The following SOX13 variants were observed in gnomAD, a reference collection of about 807,000 sequenced individuals.
SOX13 encodes the protein SRY-box transcription factor 13, also known as transcription factor SOX-13.
SOX13 carries 28 observed loss-of-function variants against 71.8 expected under a neutral mutation model. The observed-to-expected ratio is 0.39, with a 90% CI of 0.29 to 0.53. SOX13 has a LOEUF of 0.53. SOX13 is among the 20% of genes least tolerant of loss of function. The pLI is 0.70. For missense variants in SOX13, 627 were observed against 810.3 expected (o/e 0.77, Z 2.75); for synonymous variants, 309 against 317.8 (o/e 0.97, Z 0.29).
At chr1:204,103,588 T>C (rs1419544070) in intron 1 of SOX13, among the ~76,000 whole-genome samples, 1 of 152,262 alleles carries the variant, frequency 6.6e-6, no homozygotes, top group Non-Finnish European at 1.5e-5. Context: ...CCCATTCCTT[T>C]GGTCAGTATT....
In SOX13 at chr1:204,113,308, C is replaced by T. The variant is rs531995311; in HGVS notation, c.219+174C>T. ...AGGCACTGCCAAGTTCAGTCTGAGG[C>T]TGGAAGCGGGGTCACCTATCAGAGC... On this transcript the variant is annotated intron_variant, in intron 2 of 13. Transcript: ENST00000367204. Among the ~76,000 whole-genome samples, 17 of 152,364 alleles carry T rather than the reference C, an allele frequency of 1.1e-4. No homozygotes were observed. In the East Asian group the frequency reaches 3.3e-3, roughly 29 times the overall value.
At position 204,122,366 on chromosome 1, in the gene SOX13, G is replaced by A. The variant is rs1656827365; in HGVS notation, c.991G>A (p.Asp331Asn). Residue 331 changes from aspartate (D) to asparagine (N), a missense_variant, in exon 9 of 14, where the codon GAC becomes AAC. Around this residue, in one of 3 missense-constraint regions of SOX13, gnomAD observed 447 missense variants for 532.2 expected, o/e 0.84. Transcript: ENST00000367204. ...CCCCAGCCATGGAGGCCCCACGCGG[G>A]ACCTGCAGTCCAGCCCCCCGAGCCT... ...RPPSHGGPTR[D>N]LQSSPPSLPL... 1 of 1,563,706 alleles carries A rather than the reference G, an allele frequency of 6.4e-7. No individual in the cohort carries two copies. Among genetic ancestry groups the A allele is most frequent in the South Asian group, 1.2e-5 (1 of 84,984 alleles).
At chr1:204,097,027 A>G (rs1278631558) in intron 1 of SOX13, among the ~76,000 whole-genome samples, 2 of 152,136 alleles carry the variant, frequency 1.3e-5, no homozygotes. Context: ...TTCTAGCCCC[A>G]TCCTGGCTTC....
At chr1:204,084,329 T>TG (rs1004906377) in intron 1 of SOX13, among the ~76,000 whole-genome samples, 5 of 152,112 alleles carry the variant, frequency 3.3e-5, no homozygotes, top group Admixed American at 3.3e-4. Context: ...CAGGCAGCTG[T>TG]GGGGGGTGCA....
intron 1 of SOX13, among the ~76,000 whole-genome samples, chr1:204,077,836 G>A (rs187791047): frequency 6.6e-6 from 1 of 152,142 alleles, no homozygotes; most frequent in East Asian, 1.9e-4. Flanking sequence ...TTTTGAGATA[G>A]ACTCTTACTC....
intron 1 of SOX13, among the ~76,000 whole-genome samples, chr1:204,106,857 C>CT (rs1473996411): frequency 6.6e-6 from 1 of 152,178 alleles, no homozygotes. Flanking sequence ...GTGATAAATA[C>CT]TTTTAAGGTC....
At chr1:204,111,863 G>A (rs1211316487) in intron 1 of SOX13, among the ~76,000 whole-genome samples, 1 of 152,126 alleles carries the variant, frequency 6.6e-6, no homozygotes, top group African/African-American at 2.4e-5. Context: ...CCGTGTGATA[G>A]ATGCATGAAG....
Position 204,113,067 on chromosome 1 carries a change from C to T in SOX13, c.152C>T (p.Pro51Leu), listed in dbSNP as rs1199255567. 2 of 1,604,380 alleles carry T rather than the reference C, an allele frequency of 1.2e-6. No individual in the cohort carries two copies. Among genetic ancestry groups the T allele is most frequent in the Non-Finnish European group, 8.5e-7 (1 of 1,176,032 alleles). ...GCCGCTGAACCTCAGCCTGGAGACC[C>T]AGCCCGGGCCTCCCAGGATAGTGCT... ...ATAAEPQPGD[P>L]ARASQDSADP... The change falls in exon 2 of 14, where the codon CCA becomes CTA. Residue 51 changes from proline (P) to leucine (L), a missense_variant. Transcript: ENST00000367204.
chr1:204,073,906 C>T lies in SOX13; in HGVS notation c.-2+195C>T, dbSNP rs1655725336. The T allele has an allele frequency of 6.5e-6, 1 of 152,910 alleles. No individual in the cohort carries two copies. Among genetic ancestry groups the T allele is most frequent in the Non-Finnish European group, 1.5e-5 (1 of 68,664 alleles). 9.5% of individuals were successfully genotyped at this position (152,910 alleles called of 1,614,324 possible). On this transcript the variant is annotated intron_variant, in intron 1 of 13. Transcript: ENST00000367204. The surrounding 1 kb of genome is among the most constrained non-coding windows in gnomAD (Gnocchi z 6.8). ...ACAACGCTGGGCAGTGGCGGCTCCT[C>T]CCTGGCCGACTTGGGTCCTTGTGGA...
chr1:204,101,448 C>T (rs1019520502), intron 1 of SOX13, among the ~76,000 whole-genome samples: 6 of 150,820 alleles, frequency 4.0e-5, no homozygotes, highest in Non-Finnish European at 5.9e-5. Flanking sequence ...AGGAGGATCA[C>T]GTGAGCCCAG....
chr1:204,096,535 G>A (rs141955654), intron 1 of SOX13, among the ~76,000 whole-genome samples: 329 of 152,044 alleles, frequency 2.2e-3, no homozygotes, highest in Non-Finnish European at 2.5e-3. Context: ...TCATGCATCA[G>A]TCTCCCAAGT....
rs193074097 is a variant in SOX13, at chr1:204,111,903, C to T, written c.-1-1012C>T. 1.9e-4 allele frequency among the ~76,000 whole-genome samples: 29 copies of T among 152,226 alleles called. 2 individuals are homozygous for T. The East Asian group carries it at 4.8e-3, about 25-fold the overall frequency. ...AAATCATTTACTTTTACCTTATCTC[C>T]ACTGTAAGAAGAAGACTATATGTCT... On this transcript the variant is annotated intron_variant, in intron 1 of 13. Coordinates refer to ENST00000367204, the MANE Select transcript of SOX13 (RefSeq NM_005686.3).
At chr1:204,114,228 C>A in intron 2 of SOX13, 93 bp from the exon 3 acceptor site, 1 of 751,584 alleles carries the variant, frequency 1.3e-6, no homozygotes, top group East Asian at 2.7e-5. Context: ...GGGCTGGGAT[C>A]CCTCAGGGTA....
At chr1:204,116,071 C>T in intron 4 of SOX13, 33 of 891,404 alleles carry the variant, frequency 3.7e-5, no homozygotes, top group Non-Finnish European at 4.8e-5. Flanking sequence ...TGGTAACTTG[C>T]CTAACAGCTC....
intron 5 of SOX13, 24 bp downstream of exon 5, chr1:204,116,703 G>A (rs370186803): frequency 6.2e-7 from 1 of 1,610,294 alleles, no homozygotes; most frequent in Non-Finnish European, 8.5e-7. Flanking sequence ...GGTGGGTGTA[G>A]CTTTCTTTCC....
chr1:204,126,116 G>T lies in SOX13; in HGVS notation c.1851G>T (p.Leu617Phe). 6.2e-7 allele frequency: 1 copy of T among 1,613,892 alleles called. No individual in the cohort carries two copies. The highest frequency in any genetic ancestry group is 8.5e-7 in the Non-Finnish European group (1 of 1,179,814). The change falls in exon 14 of 14, where the codon TTG becomes TTT. Residue 617 changes from leucine (L) to phenylalanine (F), a missense_variant. This residue lies in a region of SOX13 where 148 missense variants were observed against 192.7 expected (regional missense o/e 0.77). Transcript: ENST00000367204. Reference sequence around the variant, plus strand: ...GCGAAGAGAAGAGCGATGGGGAGTTGGTGGTGCTCACAGACTGATCCCGGC... The same window carrying T: ...GCGAAGAGAAGAGCGATGGGGAGTTTGTGGTGCTCACAGACTGATCCCGGC... ...SEGEEKSDGELVVLTD is the reference protein window; with the variant it reads ...SEGEEKSDGEFVVLTD
At position 204,081,981 on chromosome 1, in the gene SOX13, T is replaced by C. The variant is rs1655916153; in HGVS notation, c.-2+8270T>C. Reference sequence around the variant, plus strand: ...TGGGGTGAGGGCAGTGGGGCTTGAATAGGGCGCTGTCGAAAGCAGAGGGAG... The same window carrying C: ...TGGGGTGAGGGCAGTGGGGCTTGAACAGGGCGCTGTCGAAAGCAGAGGGAG... On this transcript the variant is annotated intron_variant, in intron 1 of 13. Transcript: ENST00000367204. This position sits in a 1 kb window ranked among gnomAD's most constrained non-coding sequence, Gnocchi z 4.3. Among the ~76,000 whole-genome samples the C allele has an allele frequency of 1.3e-5, 2 of 151,528 alleles. No homozygotes were observed. Among genetic ancestry groups the C allele is most frequent in the Non-Finnish European group, 2.9e-5 (2 of 67,920 alleles).
intron 1 of SOX13, among the ~76,000 whole-genome samples, chr1:204,083,148 T>C (rs896412683): frequency 2.0e-5 from 3 of 152,162 alleles, no homozygotes; most frequent in African/African-American, 7.2e-5. Context: ...GAACCAGAAT[T>C]GTGTGTGTAG....
chr1:204,088,104 C>G (rs970780329), intron 1 of SOX13, among the ~76,000 whole-genome samples: 1 of 152,236 alleles, frequency 6.6e-6, no homozygotes, highest in African/African-American at 2.4e-5. Flanking sequence ...GGTCTCCAGA[C>G]AGTCACAGGG....
Sources: allele counts gnomAD v4.1 joint callset (sites outside exome capture counted in the v4.1 genomes callset), GRCh38; gene constraint gnomAD v4.1.1; regional missense constraint gnomAD v4.1.1; non-coding constraint Gnocchi (gnomAD v3.1); transcripts MANE v1.5; gene names NCBI Gene and HGNC (gene_info 2026-07-23, HGNC 2026-07-21).